MRPL1: variants seen among roughly 807,000 people sequenced by gnomAD.
MRPL1 encodes mitochondrial ribosomal protein L1, also known as large ribosomal subunit protein uL1m.
A neutral mutation model predicts 38.0 loss-of-function variants in MRPL1; 28 were observed. The ratio of observed to expected loss-of-function variants is 0.74; its 90% confidence interval spans 0.55 to 1.01. MRPL1 has a LOEUF of 1.01. MRPL1 is among the 50% of genes least tolerant of loss of function. The pLI, the probability that MRPL1 is intolerant of heterozygous loss-of-function variation, is 0.00. For missense variants in MRPL1, 358 were observed against 389.8 expected (o/e 0.92, Z 0.69); for synonymous variants, 123 against 126.7 (o/e 0.97, Z 0.20).
rs1327328630 is a variant in MRPL1, at chr4:77,939,059, C to T, written c.778-10738C>T. The stretch of plus-strand genomic sequence containing the variant: ...GTACCCAAAGTGTAGTCTTTTATCC[C>T]TCACTCCCCTCCCACCCTTTCCCTT... On this transcript the variant is annotated intron_variant, in intron 7 of 8. Coordinates refer to ENST00000315567, the MANE Select transcript of MRPL1 (RefSeq NM_020236.4). Among the ~76,000 whole-genome samples the T allele has an allele frequency of 2.0e-5, 3 of 152,142 alleles. No homozygotes were observed. The East Asian group carries it at 5.8e-4, about 29-fold the overall frequency.
At chr4:77,881,180 G>A (rs1735530347) in intron 2 of MRPL1, among the ~76,000 whole-genome samples, 1 of 152,148 alleles carries the variant, frequency 6.6e-6, no homozygotes, top group Non-Finnish European at 1.5e-5. Flanking sequence ...TTAGTGGGAG[G>A]AACAGCAAAG....
At chr4:77,914,323 G>A (rs911928360) in intron 7 of MRPL1, among the ~76,000 whole-genome samples, 2 of 152,080 alleles carry the variant, frequency 1.3e-5, no homozygotes, top group East Asian at 1.9e-4. Context: ...GAGGAAACAG[G>A]TATTAATGCT....
At chr4:77,950,690 A>G (rs1737388394) in intron 8 of MRPL1, among the ~76,000 whole-genome samples, 2 of 152,144 alleles carry the variant, frequency 1.3e-5, no homozygotes, top group Non-Finnish European at 2.9e-5. Flanking sequence ...CATACTACTA[A>G]GTAATTGGAT....
rs767569682 is a variant in MRPL1 at position 77,909,253 on chromosome 4, T to A, written c.671-13T>A. The A allele has an allele frequency of 2.6e-6, 4 of 1,546,750 alleles. No individual in the cohort carries two copies. Among genetic ancestry groups the A allele is most frequent in the Non-Finnish European group, 3.6e-6 (4 of 1,123,164 alleles). On this transcript the variant is annotated splice_polypyrimidine_tract_variant and intron_variant, in intron 6 of 8. Transcript: ENST00000315567. ...TTGGAGTGATAATTGTGGATTTTAC[T>A]TTTTCTAACTAGATTCCATTGGCCG... is the stretch of plus-strand genomic sequence containing the variant.
intron 2 of MRPL1, among the ~76,000 whole-genome samples, chr4:77,873,989 G>A (rs1042795605): frequency 6.6e-6 from 1 of 150,380 alleles, no homozygotes; most frequent in Admixed American, 6.7e-5. Flanking sequence ...ACCCTGTTTT[G>A]CATATTGCCT....
chr4:77,883,093 G>C, intron 2 of MRPL1, 149 bp from the exon 3 acceptor site: 1 of 551,772 alleles, frequency 1.8e-6, no homozygotes, highest in Non-Finnish European at 3.0e-6. Flanking sequence ...CATGTTTGTT[G>C]AATTAGAAAA....
chr4:77,898,544 C>T lies in MRPL1; in HGVS notation c.670+4294C>T, dbSNP rs1017486693. 3.1e-4 allele frequency among the ~76,000 whole-genome samples: 47 copies of T among 151,066 alleles called. 1 individual carries two copies. Among genetic ancestry groups the T allele is most frequent in the Middle Eastern group, 3.4e-3 (1 of 290 alleles). The stretch of plus-strand genomic sequence containing the variant: ...TTTTGCTCTGTTGCCCAGGCTGGAG[C>T]GCAGTGGCACATCTCGGCTCACTGC... On this transcript the variant is annotated intron_variant, in intron 6 of 8. Coordinates refer to ENST00000315567, the MANE Select transcript of MRPL1 (RefSeq NM_020236.4).
intron 1 of MRPL1, among the ~76,000 whole-genome samples, chr4:77,870,152 C>G (rs980734332): frequency 1.3e-5 from 2 of 152,158 alleles, no homozygotes; most frequent in African/African-American, 4.8e-5. Context: ...CCTTGGCCTC[C>G]CAAAGTGCTG....
chr4:77,942,661 AGTTT>A (rs1737162682), intron 7 of MRPL1, among the ~76,000 whole-genome samples: 1 of 152,144 alleles, frequency 6.6e-6, no homozygotes, highest in Admixed American at 6.5e-5. Flanking sequence ...GTTGCTTTAA[AGTTT>A]GTTTTGTCTG....
chr4:77,931,056 GATTCAC>G (rs1736833793), intron 7 of MRPL1, among the ~76,000 whole-genome samples: 1 of 152,216 alleles, frequency 6.6e-6, no homozygotes. Flanking sequence ...TGCAATGGGT[GATTCAC>G]ATTCTCCAAG....
intron 6 of MRPL1, among the ~76,000 whole-genome samples, chr4:77,897,122 A>G (rs1163897160): frequency 1.3e-5 from 2 of 151,960 alleles, no homozygotes; most frequent in Non-Finnish European, 2.9e-5. Flanking sequence ...GCTGGAGTGC[A>G]GGGGTGCAGT....
chr4:77,939,025 G>T (rs1737057377), intron 7 of MRPL1, among the ~76,000 whole-genome samples: 1 of 152,168 alleles, frequency 6.6e-6, no homozygotes, highest in Non-Finnish European at 1.5e-5. Flanking sequence ...CACCCGAGCA[G>T]TGTACACTGT....
In MRPL1 at chr4:77,885,255, GA is replaced by G; in HGVS notation, c.407del (p.Asn136ThrfsTer34). On this transcript the variant is annotated frameshift_variant and splice_region_variant, in exon 4 of 9. Transcript: ENST00000315567. LOFTEE classifies it high-confidence loss of function. ...LTLDMALGKK[K>X]NVEPFTSVLS... ...ATTATTTTTCCTTGTCATGTGTTTA[GA>G]AAAACGTGGAGCCATTTACCAGTGT... 1 of 1,610,572 alleles carries G rather than the reference GA, an allele frequency of 6.2e-7. No individual in the cohort carries two copies. Among genetic ancestry groups the G allele is most frequent in the Non-Finnish European group, 8.5e-7 (1 of 1,176,816 alleles).
chr4:77,946,817 T>C (rs1047483366), intron 7 of MRPL1, among the ~76,000 whole-genome samples: 1 of 151,990 alleles, frequency 6.6e-6, no homozygotes, highest in African/African-American at 2.4e-5. Flanking sequence ...TCCCCAGGAG[T>C]CTTTCTTCTT....
chr4:77,947,659 T>C (rs946366522), intron 7 of MRPL1, among the ~76,000 whole-genome samples: 1 of 152,240 alleles, frequency 6.6e-6, no homozygotes, highest in Admixed American at 6.5e-5. Context: ...CTCTAGAACA[T>C]TGTCATCCCA....
At chr4:77,881,987 C>G (rs1478054325) in intron 2 of MRPL1, among the ~76,000 whole-genome samples, 1 of 152,156 alleles carries the variant, frequency 6.6e-6, no homozygotes, top group Non-Finnish European at 1.5e-5. Context: ...TATGCTCTGT[C>G]TTTTCTAACC....
intron 5 of MRPL1, among the ~76,000 whole-genome samples, chr4:77,892,395 A>G (rs1027705052): frequency 1.3e-5 from 2 of 152,274 alleles, no homozygotes; most frequent in South Asian, 4.1e-4. Context: ...CGGCCTCCCA[A>G]AGTGCTGAGA....
intron 2 of MRPL1, among the ~76,000 whole-genome samples, chr4:77,875,309 A>G (rs988995016): frequency 1.3e-5 from 2 of 152,128 alleles, no homozygotes; most frequent in African/African-American, 2.4e-5. Flanking sequence ...TGAAATGTCA[A>G]TTCTGTCTGG....
intron 2 of MRPL1, among the ~76,000 whole-genome samples, chr4:77,872,646 C>T (rs753798946): frequency 7.9e-5 from 12 of 152,114 alleles, no homozygotes; most frequent in East Asian, 1.9e-4. Flanking sequence ...GGGTGGATCA[C>T]GAAGTCGGCA....
Sources: allele counts gnomAD v4.1 joint callset (sites outside exome capture counted in the v4.1 genomes callset), GRCh38; gene constraint gnomAD v4.1.1; transcripts MANE v1.5; gene names NCBI Gene and HGNC (gene_info 2026-07-23, HGNC 2026-07-21).